The following NALF1 variants were observed in gnomAD, a reference collection of about 807,000 sequenced individuals.
NALF1 encodes the protein NALCN channel auxiliary factor 1.
Under a neutral mutation model 48.4 loss-of-function variants are expected in NALF1, and 3 were observed. The ratio of observed to expected loss-of-function variants is 0.06; its 90% CI spans 0.03 to 0.16. The LOEUF (loss-of-function observed/expected upper bound fraction) is 0.16, where lower values mean the gene tolerates loss of function less well. NALF1 is among the 10% of genes least tolerant of loss of function. The pLI, the probability that NALF1 is intolerant of heterozygous loss-of-function variation, is 1.00. For missense variants in NALF1, 526 were observed against 571.5 expected (o/e 0.92, Z 0.81); for synonymous variants, 262 against 245.7 (o/e 1.07, Z -0.62).
chr13:107,442,868 T>C (rs1884583277), intron 1 of NALF1, among the ~76,000 whole-genome samples: 1 of 152,128 alleles, frequency 6.6e-6, no homozygotes, highest in Non-Finnish European at 1.5e-5. Flanking sequence ...GATATAACGG[T>C]TAAAAACCAA....
chr13:107,851,120 T>A (rs1472414433), intron 1 of NALF1, among the ~76,000 whole-genome samples: 4 of 152,202 alleles, frequency 2.6e-5, no homozygotes, highest in Non-Finnish European at 4.4e-5. Context: ...AATTATGTTG[T>A]CAAATAGTCA....
intron 2 of NALF1, among the ~76,000 whole-genome samples, chr13:107,209,579 G>A (rs1187379309): frequency 1.3e-5 from 2 of 152,038 alleles, no homozygotes; most frequent in African/African-American, 4.8e-5. Flanking sequence ...TTATCACTTA[G>A]AACACTGTGG....
intron 1 of NALF1, among the ~76,000 whole-genome samples, chr13:107,297,252 A>G (rs1881744021): frequency 6.6e-6 from 1 of 151,958 alleles, no homozygotes; most frequent in Non-Finnish European, 1.5e-5. Context: ...ATTGTTTTTT[A>G]CCTCCAGTGT....
chr13:107,204,907 AAAAT>A (rs1426154408), intron 2 of NALF1, among the ~76,000 whole-genome samples: 1 of 152,200 alleles, frequency 6.6e-6, no homozygotes, highest in Non-Finnish European at 1.5e-5. Context: ...TACGCAGGGG[AAAAT>A]AAATAAATTG....
intron 1 of NALF1, among the ~76,000 whole-genome samples, chr13:107,459,671 C>A (rs961706857): frequency 1.3e-5 from 2 of 152,020 alleles, no homozygotes; most frequent in Admixed American, 1.3e-4. Flanking sequence ...TCTCCTGGAG[C>A]GAAAGTAAGT....
intron 1 of NALF1, among the ~76,000 whole-genome samples, chr13:107,773,178 G>A (rs556163017): frequency 6.6e-6 from 1 of 152,082 alleles, no homozygotes; most frequent in African/African-American, 2.4e-5. Context: ...GTTGACTATT[G>A]TTTTTCATTC....
intron 1 of NALF1, among the ~76,000 whole-genome samples, chr13:107,308,736 C>T (rs1484599246): frequency 6.6e-6 from 1 of 152,176 alleles, no homozygotes; most frequent in African/African-American, 2.4e-5. Context: ...GAAATCAAGC[C>T]AATGTCTCTC....
chr13:107,346,393 T>C (rs1882773541), intron 1 of NALF1, among the ~76,000 whole-genome samples: 2 of 152,176 alleles, frequency 1.3e-5, no homozygotes, highest in Non-Finnish European at 2.9e-5. Flanking sequence ...CATCCACAGA[T>C]GAATGAAGAA....
At chr13:107,799,911 G>C (rs1200999123) in intron 1 of NALF1, among the ~76,000 whole-genome samples, 1 of 152,052 alleles carries the variant, frequency 6.6e-6, no homozygotes, top group African/African-American at 2.4e-5. Flanking sequence ...AATTACTGTA[G>C]AGAAACAGGA....
At chr13:107,715,062 T>G (rs902270619) in intron 1 of NALF1, among the ~76,000 whole-genome samples, 17 of 152,222 alleles carry the variant, frequency 1.1e-4, no homozygotes, top group African/African-American at 4.1e-4. Context: ...ATGTGATGTT[T>G]TGATACAGCC....
chr13:107,498,688 G>A (rs1208909938), intron 1 of NALF1, among the ~76,000 whole-genome samples: 3 of 152,112 alleles, frequency 2.0e-5, no homozygotes, highest in African/African-American at 2.4e-5. Context: ...GAAAATGAAA[G>A]AATATACTTA....
intron 2 of NALF1, among the ~76,000 whole-genome samples, chr13:107,172,139 C>T (rs1004672867): frequency 5.3e-5 from 8 of 152,204 alleles, no homozygotes; most frequent in African/African-American, 1.7e-4. Context: ...ATGTCCTCCA[C>T]CAATTCCTCT....
At chr13:107,492,768 AG>A (rs763361801) in intron 1 of NALF1, among the ~76,000 whole-genome samples, 15 of 152,216 alleles carry the variant, frequency 9.9e-5, no homozygotes, top group Admixed American at 2.6e-4. Context: ...CATCATGGAT[AG>A]GCAAGAATAG....
intron 2 of NALF1, among the ~76,000 whole-genome samples, chr13:107,200,206 C>T (rs1267481345): frequency 6.6e-5 from 10 of 152,170 alleles, no homozygotes. Flanking sequence ...TCTAAACTCC[C>T]CCTTGGGGGT....
intron 1 of NALF1, among the ~76,000 whole-genome samples, chr13:107,564,832 T>C (rs564784324): frequency 4.3e-4 from 66 of 152,160 alleles, no homozygotes; most frequent in African/African-American, 1.5e-3. Context: ...ATACAGTCTC[T>C]TCACCCTCCG....
At chr13:107,510,884 T>A in intron 1 of NALF1, among the ~76,000 whole-genome samples, 1 of 152,296 alleles carries the variant, frequency 6.6e-6, no homozygotes, top group East Asian at 1.9e-4. Context: ...CAGCTTTAGT[T>A]TCACTCGAGT....
At chr13:107,239,485 A>C (rs928164792) in intron 1 of NALF1, among the ~76,000 whole-genome samples, 1 of 152,196 alleles carries the variant, frequency 6.6e-6, no homozygotes, top group Non-Finnish European at 1.5e-5. Context: ...TAAAGACATC[A>C]TTTTAACTTG....
chr13:107,429,183 G>T (rs112044318), intron 1 of NALF1, among the ~76,000 whole-genome samples: 3 of 151,982 alleles, frequency 2.0e-5, no homozygotes, highest in African/African-American at 7.2e-5. Context: ...TTAGCCGGGC[G>T]TGGTTGTGCA....
intron 1 of NALF1, among the ~76,000 whole-genome samples, chr13:107,548,766 T>C (rs1185867569): frequency 6.6e-6 from 1 of 152,126 alleles, no homozygotes; most frequent in African/African-American, 2.4e-5. Flanking sequence ...CTTGACTATC[T>C]ACTTGTAGCC....
Sources: gnomAD v4.1 joint callset for allele counts (sites outside exome capture counted in the v4.1 genomes callset) on GRCh38, gnomAD v4.1.1 for gene constraint, MANE v1.5 for transcripts, NCBI Gene and HGNC (gene_info 2026-07-23, HGNC 2026-07-21) for gene names.